The following DUSP22 variants were observed in gnomAD, a reference collection of about 807,000 sequenced individuals.
The protein encoded by DUSP22 is dual specificity phosphatase 22, also known as dual specificity protein phosphatase 22.
In DUSP22, 24 loss-of-function variants were observed where a neutral mutation model predicts 24.5. That is an observed-to-expected ratio of 0.98 (90% CI 0.71 to 1.38). DUSP22 has a LOEUF of 1.38. Among genes scored for constraint, DUSP22 ranks in the 40% most tolerant of loss-of-function variants. The probability of loss-of-function intolerance (pLI) is 0.00; values close to 1 mark genes in which losing one functional copy is unlikely to be tolerated. For synonymous variants in DUSP22, 160 were observed against 106.4 expected (o/e 1.50, Z -3.10); for missense variants, 330 against 269.2 (o/e 1.23, Z -1.58).
Position 350,914 on chromosome 6 carries a change from TG to T in DUSP22, c.*1965del. On this transcript the variant is annotated 3_prime_UTR_variant, in exon 7 of 7. Transcript: ENST00000419235. ...TATTGCAAACCCACAGAGTTTAGGC[TG>T]GTGCTGCCAAAAAGAAAAGCAACAT... 6.2e-7 allele frequency: 1 copy of T among 1,611,384 alleles called. No individual in the cohort carries two copies. Among genetic ancestry groups the T allele is most frequent in the Non-Finnish European group, 8.5e-7 (1 of 1,178,136 alleles).
intron 1 of DUSP22, among the ~76,000 whole-genome samples, chr6:299,073 C>A (rs1757467916): frequency 6.6e-6 from 1 of 152,306 alleles, no homozygotes; most frequent in African/African-American, 2.4e-5. Context: ...GTTTCAGAGG[C>A]CCACAGATGC....
chr6:302,489 G>T (rs2127391839), intron 1 of DUSP22, among the ~76,000 whole-genome samples: 1 of 152,424 alleles, frequency 6.6e-6, no homozygotes, highest in Non-Finnish European at 1.5e-5. Context: ...CAGGTCCTGA[G>T]TGTCACTGTC....
At chr6:306,024 G>A (rs1488770054) in intron 2 of DUSP22, among the ~76,000 whole-genome samples, 1 of 152,300 alleles carries the variant, frequency 6.6e-6, no homozygotes, top group Admixed American at 6.5e-5. Flanking sequence ...ACAGAGAGCT[G>A]ACAGCTGCTA....
intron 3 of DUSP22, among the ~76,000 whole-genome samples, chr6:331,112 A>G (rs1759122102): frequency 6.6e-6 from 1 of 152,300 alleles, no homozygotes; most frequent in South Asian, 2.1e-4. Context: ...CATTTTTCTT[A>G]ACTGAGCTTG....
At chr6:296,677 C>T (rs923272479) in intron 1 of DUSP22, among the ~76,000 whole-genome samples, 5 of 152,306 alleles carry the variant, frequency 3.3e-5, no homozygotes, top group African/African-American at 1.2e-4. Flanking sequence ...TACTACAATA[C>T]CCCATTAAAA....
rs561577657 is a variant in DUSP22 at position 340,384 on chromosome 6, C to T, written c.188+5221C>T. On this transcript the variant is annotated intron_variant, in intron 4 of 6. Transcript: ENST00000419235. ...CACCATCAGCCTTCCAGCTGGAAAG[C>T]GTGCTGGGGCAGGGCCTGTGGGTTG... Among the ~76,000 whole-genome samples the T allele has an allele frequency of 7.9e-5, 12 of 152,408 alleles. No individual in the cohort carries two copies. The South Asian group carries it at 1.7e-3, about 21-fold the overall frequency.
Position 345,839 on chromosome 6 carries a change from T to C in DUSP22, c.189-15T>C, listed in dbSNP as rs778054165. 5 of 1,613,814 alleles carry C rather than the reference T, an allele frequency of 3.1e-6. No individual in the cohort carries two copies. Among genetic ancestry groups the C allele is most frequent in the Non-Finnish European group, 4.2e-6 (5 of 1,179,870 alleles). ...AAAGTAGAGAGATGTCATTTCTCTT[T>C]TTTTCTTTTCCCAGGACAAGACATT... On this transcript the variant is annotated splice_polypyrimidine_tract_variant and intron_variant, in intron 4 of 6. Coordinates refer to ENST00000419235, the MANE Select transcript of DUSP22 (RefSeq NM_001286555.3).
chr6:327,816 C>T (rs548501374), intron 3 of DUSP22, among the ~76,000 whole-genome samples: 13 of 152,288 alleles, frequency 8.5e-5, no homozygotes, highest in East Asian at 5.8e-4. Flanking sequence ...GCAGGATGGC[C>T]GGGAGCAGGG....
intron 2 of DUSP22, among the ~76,000 whole-genome samples, chr6:310,530 A>G (rs1183305396): frequency 1.3e-5 from 2 of 152,300 alleles, no homozygotes; most frequent in Non-Finnish European, 2.9e-5. Flanking sequence ...TTCTGTTTGG[A>G]ATTTCCAGAA....
chr6:316,109 C>T (rs1238543430), intron 3 of DUSP22, among the ~76,000 whole-genome samples: 1 of 152,306 alleles, frequency 6.6e-6, no homozygotes, highest in Non-Finnish European at 1.5e-5. Context: ...ATGACTTCCT[C>T]TGAGAACTCT....
chr6:300,298 GC>G (rs1375581259), intron 1 of DUSP22, among the ~76,000 whole-genome samples: 1 of 152,310 alleles, frequency 6.6e-6, no homozygotes, highest in Non-Finnish European at 1.5e-5. Flanking sequence ...TCGGGCTCAG[GC>G]TGAAGACATT....
rs749115010 is a variant in DUSP22, at chr6:304,633, G to C, written c.27G>C (p.Leu9=). MGNGMNKI[L]PGLYIGNFKD... Reference sequence around the variant, plus strand: ...TGTGTCTGTCTCTCTCCTAGATCCTGCCCGGCCTGTACATCGGCAACTTCA... The same window carrying C: ...TGTGTCTGTCTCTCTCCTAGATCCTCCCCGGCCTGTACATCGGCAACTTCA... Residue 9 remains leucine (L), a synonymous_variant, in exon 2 of 7, where the codon CTG becomes CTC. Coordinates refer to ENST00000419235, the MANE Select transcript of DUSP22 (RefSeq NM_001286555.3). 15 of 1,614,122 alleles carry C rather than the reference G, an allele frequency of 9.3e-6. No individual in the cohort carries two copies. The highest frequency in any genetic ancestry group is 1.7e-5 in the Admixed American group (1 of 60,018).
intron 3 of DUSP22, among the ~76,000 whole-genome samples, chr6:333,377 C>T (rs1376682600): frequency 1.3e-5 from 2 of 152,296 alleles, no homozygotes; most frequent in Non-Finnish European, 2.9e-5. Flanking sequence ...CCCAAAAGGG[C>T]CTTTATTGGA....
At chr6:339,922 A>G (rs1581187157) in intron 4 of DUSP22, among the ~76,000 whole-genome samples, 1 of 152,306 alleles carries the variant, frequency 6.6e-6, no homozygotes, top group Non-Finnish European at 1.5e-5. Flanking sequence ...CTGCTTCCAG[A>G]CAGTTCCTGA....
rs1273739289 is a variant in DUSP22 at position 349,411 on chromosome 6, T to C, written c.*460T>C. 2.0e-6 allele frequency: 2 copies of C among 1,019,074 alleles called. No individual in the cohort carries two copies. Among genetic ancestry groups the C allele is most frequent in the Non-Finnish European group, 2.4e-6 (2 of 850,806 alleles). The allele number at this position is 1,019,074 out of a possible 1,614,324, so 63.1% of individuals were successfully genotyped here. On this transcript the variant is annotated 3_prime_UTR_variant, in exon 7 of 7. Coordinates refer to ENST00000419235, the MANE Select transcript of DUSP22 (RefSeq NM_001286555.3). Reference sequence around the variant, plus strand: ...TGCTGCCCGGGTTGGTGTGGCCACCTTTCCCTTTGTCCAAGACTCCACATG... The same window carrying C: ...TGCTGCCCGGGTTGGTGTGGCCACCCTTCCCTTTGTCCAAGACTCCACATG...
At chr6:327,119 C>G (rs1758916321) in intron 3 of DUSP22, among the ~76,000 whole-genome samples, 2 of 152,306 alleles carry the variant, frequency 1.3e-5, no homozygotes, top group African/African-American at 4.8e-5. Context: ...TTCACCCACC[C>G]TGGGCTTCGC....
chr6:350,247 T>G lies in DUSP22; in HGVS notation c.*1296T>G. The G allele has an allele frequency of 6.1e-6, 6 of 988,828 alleles. No individual in the cohort carries two copies. Among genetic ancestry groups the G allele is most frequent in the Non-Finnish European group, 7.2e-6 (6 of 832,346 alleles). The allele number at this position is 988,828 out of a possible 1,614,324, so 61.3% of individuals were successfully genotyped here. A position where few individuals can be genotyped will look rare whatever the true frequency, so the allele number is the denominator to read the frequency against. On this transcript the variant is annotated 3_prime_UTR_variant, in exon 7 of 7. Transcript: ENST00000419235. The stretch of plus-strand genomic sequence containing the variant: ...TTGCCAGTTTGGGCTCCAGTAATGC[T>G]TTCTGGTGGGTAAAATTCCACATTC...
At chr6:316,449 G>A (rs1758339774) in intron 3 of DUSP22, among the ~76,000 whole-genome samples, 1 of 152,310 alleles carries the variant, frequency 6.6e-6, no homozygotes, top group African/African-American at 2.4e-5. Flanking sequence ...TTGCCCCTGT[G>A]TGCTGAAAAG....
At chr6:323,047 G>A (rs1758683176) in intron 3 of DUSP22, among the ~76,000 whole-genome samples, 1 of 152,292 alleles carries the variant, frequency 6.6e-6, no homozygotes, top group Admixed American at 6.5e-5. Context: ...GGCAATGCAG[G>A]TGGACCTTGT....
Sources: gnomAD v4.1 joint callset for allele counts (sites outside exome capture counted in the v4.1 genomes callset) on GRCh38, gnomAD v4.1.1 for gene constraint, MANE v1.5 for transcripts, NCBI Gene and HGNC (gene_info 2026-07-23, HGNC 2026-07-21) for gene names.